The following DCC variants were observed in gnomAD, a reference collection of about 807,000 sequenced individuals.
DCC encodes the protein DCC netrin 1 receptor.
A neutral mutation model predicts 172.5 loss-of-function variants in DCC; 58 were observed. The ratio of observed to expected loss-of-function variants is 0.34; its 90% confidence interval spans 0.27 to 0.42. DCC has a LOEUF of 0.42. Among genes scored for constraint, DCC ranks in the 10% least tolerant of loss-of-function variants. The pLI, the probability that DCC is intolerant of heterozygous loss-of-function variation, is 1.00. For missense variants in DCC, 1,740 were observed against 1,791.0 expected, an observed-to-expected ratio of 0.97 and a Z score of 0.51; for synonymous variants, 709 against 644.5, an observed-to-expected ratio of 1.10 and a Z score of -1.52.
chr18:52,961,574 T>A (rs1486933868), intron 5 of DCC, among the ~76,000 whole-genome samples: 1 of 152,148 alleles, frequency 6.6e-6, no homozygotes, highest in East Asian at 1.9e-4. Context: ...AAAGCCACCA[T>A]CTGCATGATA....
intron 2 of DCC, among the ~76,000 whole-genome samples, chr18:52,816,320 G>A (rs982427268): frequency 1.3e-5 from 2 of 152,124 alleles, no homozygotes; most frequent in Non-Finnish European, 2.9e-5. Flanking sequence ...GGCACAACAC[G>A]GTCTAACTCT....
At position 52,794,471 on chromosome 18, in the gene DCC, G is replaced by A. The variant is rs531263037; in HGVS notation, c.412+42097G>A. Among the ~76,000 whole-genome samples, 36 of 152,066 alleles carry A rather than the reference G, an allele frequency of 2.4e-4. No individual in the cohort carries two copies. In the South Asian group the frequency reaches 5.4e-3, roughly 23 times the overall value. Reference sequence around the variant, plus strand: ...TAGTTTGTTATTGGTATATAGGAGTGCTGCTTTTTGTATGTTGTTTTTGTA... The same window carrying A: ...TAGTTTGTTATTGGTATATAGGAGTACTGCTTTTTGTATGTTGTTTTTGTA... On this transcript the variant is annotated intron_variant, in intron 2 of 28. Coordinates refer to ENST00000442544, the MANE Select transcript of DCC (RefSeq NM_005215.4).
chr18:52,865,699 G>GT (rs1348702732), intron 2 of DCC, among the ~76,000 whole-genome samples: 2 of 151,714 alleles, frequency 1.3e-5, no homozygotes, highest in African/African-American at 2.4e-5. Context: ...TGATGGGGTT[G>GT]TTTTTTTCTT....
chr18:53,450,410 C>T lies in DCC; in HGVS notation c.3230-90C>T. The T allele has an allele frequency of 6.2e-6, 9 of 1,453,102 alleles. No homozygotes were observed. In the South Asian group the frequency reaches 1.0e-4, roughly 17 times the overall value. The allele number at this position is 1,453,102 out of a possible 1,614,324, so 90.0% of individuals were successfully genotyped here. The stretch of plus-strand genomic sequence containing the variant: ...CCCCTAAGTTCAGAAAAGCCCAGAA[C>T]ATTAGGAACTTTGTATATCCCAAGA... On this transcript the variant is annotated intron_variant, in intron 22 of 28. Transcript: ENST00000442544.
intron 1 of DCC, among the ~76,000 whole-genome samples, chr18:52,462,078 C>A (rs1328754088): frequency 6.6e-6 from 1 of 152,138 alleles, no homozygotes; most frequent in Non-Finnish European, 1.5e-5. Flanking sequence ...CCTTTGGCCG[C>A]ACCTTCAATT....
intron 1 of DCC, among the ~76,000 whole-genome samples, chr18:52,437,113 C>T (rs1987820930): frequency 6.6e-6 from 1 of 152,106 alleles, no homozygotes; most frequent in Non-Finnish European, 1.5e-5. Flanking sequence ...TAGGTATTCA[C>T]AATGAAGTAG....
intron 1 of DCC, among the ~76,000 whole-genome samples, chr18:52,653,202 G>C (rs771258118): frequency 6.6e-6 from 1 of 152,090 alleles, no homozygotes; most frequent in Non-Finnish European, 1.5e-5. Flanking sequence ...ATTTTTGATG[G>C]CATGAAAGGT....
intron 12 of DCC, among the ~76,000 whole-genome samples, chr18:53,234,500 A>G (rs1230158642): frequency 1.3e-5 from 2 of 152,126 alleles, no homozygotes; most frequent in Non-Finnish European, 1.5e-5. Flanking sequence ...AAGACCCCAG[A>G]TATCACTCAA....
intron 1 of DCC, among the ~76,000 whole-genome samples, chr18:52,730,863 G>A (rs1468238085): frequency 2.0e-5 from 3 of 152,122 alleles, no homozygotes; most frequent in African/African-American, 7.2e-5. Context: ...ATAATGCACT[G>A]CACCCCAAGA....
At chr18:53,176,941 A>C (rs1415486044) in intron 8 of DCC, among the ~76,000 whole-genome samples, 5 of 151,574 alleles carry the variant, frequency 3.3e-5, no homozygotes, top group African/African-American at 1.2e-4. Context: ...AATGTCCAAC[A>C]ATGATAGACT....
chr18:52,343,712 T>C (rs1983756111), intron 1 of DCC, among the ~76,000 whole-genome samples: 1 of 152,254 alleles, frequency 6.6e-6, no homozygotes, highest in Non-Finnish European at 1.5e-5. Context: ...TAATTCTTCA[T>C]ACATGTTTGG....
At chr18:53,157,303 A>G (rs537313575) in intron 7 of DCC, 53 bp from the exon 8 acceptor site, 61 of 1,612,370 alleles carry the variant, frequency 3.8e-5, no homozygotes, top group South Asian at 1.1e-4. Flanking sequence ...TTCCTACCCA[A>G]TTCTTACCTA....
chr18:52,505,924 C>T (rs1331545361), intron 1 of DCC, among the ~76,000 whole-genome samples: 3 of 151,896 alleles, frequency 2.0e-5, no homozygotes, highest in South Asian at 2.1e-4. Context: ...TAAAAAAGGT[C>T]GTTTATAAAA....
intron 1 of DCC, among the ~76,000 whole-genome samples, chr18:52,542,904 G>A (rs1429609019): frequency 6.6e-6 from 1 of 152,184 alleles, no homozygotes; most frequent in Non-Finnish European, 1.5e-5. Context: ...AAGATGTTGT[G>A]AATGTTTATC....
chr18:52,871,357 A>G (rs1418896881), intron 2 of DCC, among the ~76,000 whole-genome samples: 1 of 151,960 alleles, frequency 6.6e-6, no homozygotes, highest in African/African-American at 2.4e-5. Flanking sequence ...CAAAGTTTAT[A>G]GATGCTGGTA....
In DCC at chr18:53,391,782, G is replaced by T. The variant is rs1362403149; in HGVS notation, c.2583G>T (p.Arg861Ser). 6.2e-7 allele frequency: 1 copy of T among 1,613,956 alleles called. No individual in the cohort carries two copies. Reference protein sequence around the residue: ...QAVALTHDAVRVSWADNSVPK... With the variant: ...QAVALTHDAVSVSWADNSVPK... ...TGGCTCTTACCCATGATGCTGTGAG[G>T]GTCAGCTGGGCAGACAACTCTGTCC... Residue 861 changes from arginine (R) to serine (S), a missense_variant, in exon 17 of 29, where the codon AGG (arginine) becomes AGT (serine). Around this residue, in one of 2 missense-constraint regions of DCC, gnomAD observed 1,732 missense variants for 1,767.4 expected, o/e 0.98. Transcript: ENST00000442544.
At chr18:53,374,187 A>G (rs1278795204) in intron 15 of DCC, among the ~76,000 whole-genome samples, 4 of 152,158 alleles carry the variant, frequency 2.6e-5, no homozygotes, top group Non-Finnish European at 5.9e-5. Flanking sequence ...ATAGATCCAC[A>G]TTTCTTCTAC....
intron 12 of DCC, among the ~76,000 whole-genome samples, chr18:53,233,721 G>T (rs1044602655): frequency 6.6e-6 from 1 of 152,186 alleles, no homozygotes; most frequent in African/African-American, 2.4e-5. Flanking sequence ...CTTCATGATT[G>T]TTATAAACAC....
At chr18:53,378,464 G>A (rs1438379361) in intron 15 of DCC, among the ~76,000 whole-genome samples, 2 of 152,272 alleles carry the variant, frequency 1.3e-5, no homozygotes, top group East Asian at 1.9e-4. Flanking sequence ...ATATGCAAGT[G>A]AGAGAGGAAA....
Sources: allele counts gnomAD v4.1 joint callset (sites outside exome capture counted in the v4.1 genomes callset), GRCh38; gene constraint gnomAD v4.1.1; regional missense constraint gnomAD v4.1.1; transcripts MANE v1.5; gene names NCBI Gene and HGNC (gene_info 2026-07-23, HGNC 2026-07-21).